Variants in DNMT3A observed in about 807,000 individuals in gnomAD.
DNMT3A encodes the protein DNA (cytosine-5)-methyltransferase 3A.
In DNMT3A, 267 loss-of-function variants were observed where a neutral mutation model predicts 117.6. The ratio of observed to expected loss-of-function variants is 2.27; its 90% CI spans 2.05 to 2.51. The LOEUF (loss-of-function observed/expected upper bound fraction) is 2.51. Among genes scored for constraint, DNMT3A ranks in the 30% most tolerant of loss-of-function variants. The pLI is 0.00. For missense variants in DNMT3A, 1,029 were observed against 1,260.2 expected (o/e 0.82, Z 2.78); for synonymous variants, 432 against 474.8 (o/e 0.91, Z 1.17).
Position 25,240,655 on chromosome 2 carries a change from G to A in DNMT3A, c.2158C>T (p.Arg720Cys), listed in dbSNP as rs1197133406. The A allele has an allele frequency of 1.2e-6, 2 of 1,614,224 alleles. No homozygotes were observed. The highest frequency in any genetic ancestry group is 8.5e-7 in the Non-Finnish European group (1 of 1,180,032). The change falls in exon 18 of 23, where the codon CGC becomes TGC. Residue 720 changes from arginine (R) to cysteine (C), a missense_variant. Arg to Cys is a radical substitution (Grantham distance 180). Transcript: ENST00000321117. Reference protein sequence around the residue: ...CNDLSIVNPARKGLYEGTGRL... With the variant: ...CNDLSIVNPACKGLYEGTGRL... ...TGGTACCTACCGTAGAGGCCCTTGC[G>A]AGCAGGGTTGACGATGGAGAGGTCA...
rs565561971 is a variant in DNMT3A at position 25,309,278 on chromosome 2, G to C, written c.72+4635C>G. 3.9e-5 allele frequency among the ~76,000 whole-genome samples: 6 copies of C among 152,372 alleles called. No individual in the cohort carries two copies. In the South Asian group the frequency reaches 1.2e-3, roughly 32 times the overall value. On this transcript the variant is annotated intron_variant, in intron 2 of 22. Coordinates refer to ENST00000321117, the MANE Select transcript of DNMT3A (RefSeq NM_022552.5). Reference sequence around the variant, plus strand: ...GTACCTATGTCTGAAGAAAGGGAGGGAGGAAGAGAAGAAAAGAGGAGCTGT... The same window carrying C: ...GTACCTATGTCTGAAGAAAGGGAGGCAGGAAGAGAAGAAAAGAGGAGCTGT...
rs965318733 is a variant in DNMT3A at position 25,264,145 on chromosome 2, T to TTG, written c.639+10795_639+10796insCA. 2.0e-4 allele frequency among the ~76,000 whole-genome samples: 27 copies of TTG among 134,586 alleles called. No homozygotes were observed. In the East Asian group the frequency reaches 5.1e-3, roughly 25 times the overall value. 88.3% of individuals were successfully genotyped at this position (134,586 alleles called of 152,430 possible). A position where few individuals can be genotyped will look rare whatever the true frequency, so the allele number is the denominator to read the frequency against. ...GACAACCCTTTGGTTTTTTTTTTTTTTTTTTTTTTTTTGAGACAAGGTCTC... is the reference window on the plus strand; with the variant it reads ...GACAACCCTTTGGTTTTTTTTTTTTTTGTTTTTTTTTTTTGAGACAAGGTCTC... On this transcript the variant is annotated intron_variant, in intron 6 of 22. Coordinates refer to ENST00000321117, the MANE Select transcript of DNMT3A (RefSeq NM_022552.5).
intron 6 of DNMT3A, among the ~76,000 whole-genome samples, chr2:25,274,212 C>G (rs2031198966): frequency 6.6e-6 from 1 of 152,216 alleles, no homozygotes. Context: ...CTTGAGTCCA[C>G]CAGTTCCCCT....
chr2:25,287,945 C>T (rs1180584297), intron 3 of DNMT3A, among the ~76,000 whole-genome samples: 2 of 151,860 alleles, frequency 1.3e-5, no homozygotes, highest in African/African-American at 4.8e-5. Flanking sequence ...AGCGATTCTC[C>T]TGCCTCAGCC....
chr2:25,336,120 C>T (rs2035206523), intron 1 of DNMT3A, among the ~76,000 whole-genome samples: 1 of 152,234 alleles, frequency 6.6e-6, no homozygotes, highest in African/African-American at 2.4e-5. Context: ...GCCCAGAAGG[C>T]CCTGCCCACC....
intron 1 of DNMT3A, 147 bp from the exon 2 acceptor site, chr2:25,314,308 G>A (rs908148704): frequency 1.0e-5 from 12 of 1,186,242 alleles, no homozygotes; most frequent in East Asian, 4.1e-5. Flanking sequence ...CAGAGAAACC[G>A]AGGCAGGCTC....
At chr2:25,266,142 T>C (rs918651058) in intron 6 of DNMT3A, among the ~76,000 whole-genome samples, 7 of 152,222 alleles carry the variant, frequency 4.6e-5, no homozygotes, top group Non-Finnish European at 1.5e-5. Flanking sequence ...GCAACTTTAG[T>C]AGCCTATGGT....
chr2:25,249,568 T>C (rs947842489), intron 6 of DNMT3A: 30 of 1,440,262 alleles, frequency 2.1e-5, no homozygotes, highest in Admixed American at 3.4e-5. Flanking sequence ...GCAGGCACTA[T>C]AGACCAGGCG....
At chr2:25,284,413 G>A (rs1255553610) in intron 3 of DNMT3A, among the ~76,000 whole-genome samples, 5 of 152,034 alleles carry the variant, frequency 3.3e-5, no homozygotes, top group South Asian at 4.1e-4. Flanking sequence ...TTGGGAGGCT[G>A]AGGCAGGCTC....
chr2:25,328,520 T>C (rs963101636), intron 1 of DNMT3A: 1 of 420,774 alleles, frequency 2.4e-6, no homozygotes, highest in African/African-American at 2.0e-5. Flanking sequence ...CATGCGTATA[T>C]AGATGTGTCT....
rs141867319 is a variant in DNMT3A, at chr2:25,313,446, G to C, written c.72+467C>G. ...TGTGCCTCCGTCTGTGTGGGAGGGT[G>C]GGCCCCCGCGGCCTCGTGTCTGCCG... is the stretch of plus-strand genomic sequence containing the variant. On this transcript the variant is annotated intron_variant, in intron 2 of 22. Coordinates refer to ENST00000321117, the MANE Select transcript of DNMT3A (RefSeq NM_022552.5). 4.0e-3 allele frequency among the ~76,000 whole-genome samples: 613 copies of C among 152,298 alleles called. 7 individuals carry two copies. Among genetic ancestry groups the C allele is most frequent in the African/African-American group, 0.014 (585 of 41,564 alleles).
At chr2:25,319,292 G>C (rs112262320) in intron 1 of DNMT3A, among the ~76,000 whole-genome samples, 5,553 of 151,962 alleles carry the variant, frequency 0.037, 142 homozygotes, top group South Asian at 0.083. Flanking sequence ...GGGATTACAG[G>C]CATGAGCCAC....
rs888701190 is a variant in DNMT3A, at chr2:25,231,757, G to A, written c.*2522C>T. The A allele has an allele frequency of 1.3e-5, 2 of 152,196 alleles. No homozygotes were observed. Among genetic ancestry groups the A allele is most frequent in the Non-Finnish European group, 2.9e-5 (2 of 68,040 alleles). The allele number at this position is 152,196 out of a possible 1,614,324, so 9.4% of individuals were successfully genotyped here. A position where few individuals can be genotyped will look rare whatever the true frequency, so the allele number is the denominator to read the frequency against. The stretch of plus-strand genomic sequence containing the variant: ...TCTTTTGACATCACCAGGGGCAAAA[G>A]AGATAGAACACTACCTGCTAGAGGA... On this transcript the variant is annotated 3_prime_UTR_variant, in exon 23 of 23. Coordinates refer to ENST00000321117, the MANE Select transcript of DNMT3A (RefSeq NM_022552.5).
intron 6 of DNMT3A, among the ~76,000 whole-genome samples, chr2:25,270,750 C>G (rs7580573): frequency 0.44 from 67,130 of 152,008 alleles, 15,122 homozygotes; most frequent in Non-Finnish European, 0.48. Context: ...GAACCTGCAG[C>G]GGCCTTGGGA....
Position 25,233,482 on chromosome 2 carries a change from T to C in DNMT3A, c.*797A>G, listed in dbSNP as rs1672990570. ...ATATATATATCTCATATCTATCATA[T>C]ATATATAAACTGTAAACAAGAGGTA... On this transcript the variant is annotated 3_prime_UTR_variant, in exon 23 of 23. Transcript: ENST00000321117. The C allele has an allele frequency of 8.6e-6, 2 of 233,478 alleles. No homozygotes were observed. Among genetic ancestry groups the C allele is most frequent in the Non-Finnish European group, 1.7e-5 (2 of 117,974 alleles). The allele number at this position is 233,478 out of a possible 1,614,324, so 14.5% of individuals were successfully genotyped here. A position where few individuals can be genotyped will look rare whatever the true frequency, so the allele number is the denominator to read the frequency against.
At chr2:25,333,297 G>A (rs1186555208) in intron 1 of DNMT3A, among the ~76,000 whole-genome samples, 1 of 151,040 alleles carries the variant, frequency 6.6e-6, no homozygotes, top group Non-Finnish European at 1.5e-5. Context: ...ACCGTGAGGG[G>A]CCATGGGGAG....
rs1309050459 is a variant in DNMT3A, at chr2:25,329,691, A to C, written c.-178+12135T>G. ...GCAGACCCCACACACACACACACAC[A>C]CACACACACACACACACACACAGAC... is the stretch of plus-strand genomic sequence containing the variant. On this transcript the variant is annotated intron_variant, in intron 1 of 22. Transcript: ENST00000321117. Among the ~76,000 whole-genome samples the C allele has an allele frequency of 3.5e-4, 53 of 149,318 alleles. 1 individual carries two copies. The highest frequency in any genetic ancestry group is 1.4e-3 in the African/African-American group (53 of 39,056).
rs1395713450 is a variant in DNMT3A, at chr2:25,235,787, G to A, written c.2517C>T (p.Ser839=). ...AATGCTGGTCTTTGCCCTGCTTTAT[G>A]GAGTTTGACCTCGTAGTAATGGTCC... ...KVRTITTRSN[S]IKQGKDQHFP... Residue 839 remains serine (S), a synonymous_variant, in exon 22 of 23, where the codon TCC becomes TCT. Transcript: ENST00000321117. 6.2e-7 allele frequency: 1 copy of A among 1,614,148 alleles called. No individual in the cohort carries two copies. The highest frequency in any genetic ancestry group is 1.3e-5 in the African/African-American group (1 of 75,058).
chr2:25,308,034 C>A (rs2033876411), intron 2 of DNMT3A, among the ~76,000 whole-genome samples: 2 of 152,172 alleles, frequency 1.3e-5, no homozygotes, highest in Admixed American at 1.3e-4. Flanking sequence ...AGAGAGACAA[C>A]ATTCCCTTCA....
Sources: gnomAD v4.1 joint callset for allele counts (sites outside exome capture counted in the v4.1 genomes callset) on GRCh38, gnomAD v4.1.1 for gene constraint, MANE v1.5 for transcripts, NCBI Gene and HGNC (gene_info 2026-07-23, HGNC 2026-07-21) for gene names.